The following ABHD6 variants were observed in gnomAD, a reference collection of about 807,000 sequenced individuals.
The protein encoded by ABHD6 is abhydrolase domain containing 6, acylglycerol lipase, also known as monoacylglycerol lipase ABHD6.
In ABHD6, 33 loss-of-function variants were observed where a neutral mutation model predicts 38.8. The ratio of observed to expected loss-of-function variants is 0.85; its 90% CI spans 0.64 to 1.14. The LOEUF (loss-of-function observed/expected upper bound fraction) is 1.14. ABHD6 is among the 50% of genes most tolerant of loss of function. The pLI, the probability that ABHD6 is intolerant of heterozygous loss-of-function variation, is 0.00. For synonymous variants in ABHD6, 147 were observed against 161.6 expected (o/e 0.91, Z 0.69); for missense variants, 380 against 422.6 (o/e 0.90, Z 0.88).
chr3:58,262,235 G>C (rs960730992), intron 3 of ABHD6, among the ~76,000 whole-genome samples: 14 of 152,310 alleles, frequency 9.2e-5, no homozygotes, highest in Non-Finnish European at 1.5e-4. Flanking sequence ...ATGACAAAAA[G>C]TTCTAGAAAT....
Position 58,273,510 on chromosome 3 carries a change from T to A in ABHD6, c.524-1148T>A, listed in dbSNP as rs2107458785. On this transcript the variant is annotated intron_variant, in intron 6 of 9. Transcript: ENST00000478253. The surrounding 1 kb of genome is among the most constrained non-coding windows in gnomAD (Gnocchi z 4.8). ...CCAATGATAAACTGGATAAAGAAAA[T>A]GTGGCACATATACACCATGGAATAC... is the stretch of plus-strand genomic sequence containing the variant. 6.6e-6 allele frequency among the ~76,000 whole-genome samples: 1 copy of A among 152,030 alleles called. No homozygotes were observed. Among genetic ancestry groups the A allele is most frequent in the South Asian group, 2.1e-4 (1 of 4,802 alleles).
chr3:58,256,814 A>G lies in ABHD6; in HGVS notation c.119+109A>G, dbSNP rs2097433709. 1.1e-6 allele frequency: 1 copy of G among 950,850 alleles called. No individual in the cohort carries two copies. Among genetic ancestry groups the G allele is most frequent in the Non-Finnish European group, 1.6e-6 (1 of 621,596 alleles). 58.9% of individuals were successfully genotyped at this position (950,850 alleles called of 1,614,324 possible). ...AACATTTTATCAGGAAGTATTTCAG[A>G]CAGAGAGAAAAGTTGAAAGGTACTC... On this transcript the variant is annotated intron_variant, in intron 3 of 9. Coordinates refer to ENST00000478253, the MANE Select transcript of ABHD6 (RefSeq NM_001320126.2). This position sits in a 1 kb window ranked among gnomAD's most constrained non-coding sequence, Gnocchi z 4.3.
In ABHD6 at chr3:58,287,418, AGT is replaced by A. The variant is rs2097458290; in HGVS notation, c.837+1967_837+1968del. On this transcript the variant is annotated intron_variant, in intron 9 of 9. Transcript: ENST00000478253. The surrounding 1 kb of genome is among the most constrained non-coding windows in gnomAD (Gnocchi z 4.7). ...TGCATGAATGACCCAGGCAGGAGAG[AGT>A]GGGGAGGAGCAGCCAGGCTGTGCCC... 6.6e-6 allele frequency among the ~76,000 whole-genome samples: 1 copy of A among 152,056 alleles called. No homozygotes were observed. Among genetic ancestry groups the A allele is most frequent in the Non-Finnish European group, 1.5e-5 (1 of 68,002 alleles).
At chr3:58,248,778 A>G (rs1052934700) in intron 1 of ABHD6, among the ~76,000 whole-genome samples, 1 of 152,238 alleles carries the variant, frequency 6.6e-6, no homozygotes, top group Admixed American at 6.5e-5. Context: ...CCAAATTGCA[A>G]TCTGTAGAGT....
rs1179353981 is a variant in ABHD6, at chr3:58,266,464, CA to C, written c.120-714del. Among the ~76,000 whole-genome samples the C allele has an allele frequency of 6.1e-4, 87 of 142,762 alleles. No homozygotes were observed. The highest frequency in any genetic ancestry group is 4.9e-3 in the South Asian group (22 of 4,504). The allele number at this position is 142,762 out of a possible 152,430, so 93.7% of individuals were successfully genotyped here. A position where few individuals can be genotyped will look rare whatever the true frequency, so the allele number is the denominator to read the frequency against. ...AAAAAAAACCTGACCAAACAAACAA[CA>C]AAAAAAAAAACCTTATGTATGCTCT... On this transcript the variant is annotated intron_variant, in intron 3 of 9. Transcript: ENST00000478253. The surrounding 1 kb of genome is among the most constrained non-coding windows in gnomAD (Gnocchi z 4.0).
chr3:58,288,104 T>C (rs1157055297), intron 9 of ABHD6, among the ~76,000 whole-genome samples: 1 of 152,180 alleles, frequency 6.6e-6, no homozygotes, highest in African/African-American at 2.4e-5. Flanking sequence ...AGATCCTTCA[T>C]GTGTTTTGTG....
At position 58,274,750 on chromosome 3, in the gene ABHD6, A is replaced by C. The variant is rs199696239; in HGVS notation, c.616A>C (p.Thr206Pro). 2 of 1,614,068 alleles carry C rather than the reference A, an allele frequency of 1.2e-6. No individual in the cohort carries two copies. Among genetic ancestry groups the C allele is most frequent in the Non-Finnish European group, 1.7e-6 (2 of 1,180,042 alleles). ...GGAGAAGATTCCCTTGATCCCGTCTACCCCAGAAGAGATGAGTGAAATGCT... is the reference window on the plus strand; with the variant it reads ...GGAGAAGATTCCCTTGATCCCGTCTCCCCCAGAAGAGATGAGTGAAATGCT... Reference protein sequence around the residue: ...AVEKIPLIPSTPEEMSEMLQL... With the variant: ...AVEKIPLIPSPPEEMSEMLQL... The change falls in exon 7 of 10, where the codon ACC becomes CCC. Residue 206 changes from threonine to proline, a missense_variant. Thr to Pro is a conservative substitution (Grantham distance 38). Transcript: ENST00000478253.
rs2097429897 is a variant in ABHD6, at chr3:58,251,480, AT to A, written c.-26+1539del. On this transcript the variant is annotated intron_variant, in intron 2 of 9. Coordinates refer to ENST00000478253, the MANE Select transcript of ABHD6 (RefSeq NM_001320126.2). The surrounding 1 kb of genome is among the most constrained non-coding windows in gnomAD (Gnocchi z 5.4). ...GGAACTCAAGATCCCAGTTTTCAAA[AT>A]CAGTGACAACATTAAAGAAAATTGT... Among the ~76,000 whole-genome samples the A allele has an allele frequency of 6.6e-6, 1 of 152,210 alleles. No homozygotes were observed. The highest frequency in any genetic ancestry group is 1.5e-5 in the Non-Finnish European group (1 of 68,042).
Position 58,272,246 on chromosome 3 carries a change from C to T in ABHD6, c.523+1182C>T, listed in dbSNP as rs764933339. Among the ~76,000 whole-genome samples, 56 of 152,094 alleles carry T rather than the reference C, an allele frequency of 3.7e-4. 1 individual carries two copies. Among genetic ancestry groups the T allele is most frequent in the Non-Finnish European group, 5.9e-4 (40 of 68,038 alleles). Reference sequence around the variant, plus strand: ...ATTATGCCCATTTTATAAATGGGAACGTTGAGGCACAGAGAAATTACATTA... The same window carrying T: ...ATTATGCCCATTTTATAAATGGGAATGTTGAGGCACAGAGAAATTACATTA... On this transcript the variant is annotated intron_variant, in intron 6 of 9. Coordinates refer to ENST00000478253, the MANE Select transcript of ABHD6 (RefSeq NM_001320126.2).
chr3:58,248,527 C>T (rs149594349), intron 1 of ABHD6, among the ~76,000 whole-genome samples: 3 of 152,180 alleles, frequency 2.0e-5, no homozygotes, highest in East Asian at 3.9e-4. Context: ...GGAGAAACCC[C>T]GTCTCTACTA....
chr3:58,291,525 CTGA>C (rs1425638570), intron 9 of ABHD6, among the ~76,000 whole-genome samples: 1 of 152,102 alleles, frequency 6.6e-6, no homozygotes, highest in Non-Finnish European at 1.5e-5. Context: ...TCCCAGAGTG[CTGA>C]TATTATAGGT....
Position 58,285,510 on chromosome 3 carries a change from A to T in ABHD6, c.837+57A>T. 1.4e-6 allele frequency: 2 copies of T among 1,454,374 alleles called. No homozygotes were observed. Among genetic ancestry groups the T allele is most frequent in the Non-Finnish European group, 1.9e-6 (2 of 1,035,296 alleles). 90.1% of individuals were successfully genotyped at this position (1,454,374 alleles called of 1,614,324 possible). ...TGGTCACCAGGGCCTCTGAGGAAAA[A>T]CGTCCTTGAGGAAGAACAAGTGGTT... On this transcript the variant is annotated intron_variant, in intron 9 of 9. Transcript: ENST00000478253. The surrounding 1 kb of genome is among the most constrained non-coding windows in gnomAD (Gnocchi z 4.9).
intron 2 of ABHD6, among the ~76,000 whole-genome samples, chr3:58,254,792 A>ATATATT (rs899585212): frequency 6.7e-6 from 1 of 149,606 alleles, no homozygotes; most frequent in African/African-American, 2.4e-5. Context: ...TATATTTATT[A>ATATATT]TATATTTATA....
chr3:58,245,147 A>G (rs2097425423), intron 1 of ABHD6, among the ~76,000 whole-genome samples: 1 of 152,186 alleles, frequency 6.6e-6, no homozygotes, highest in Non-Finnish European at 1.5e-5. Context: ...AAAGTACTGT[A>G]GACCAACTTC....
rs368886586 is a variant in ABHD6, at chr3:58,276,463, G to GT, written c.681+1657dup. ...CCTTTGCCCACTTTTTGATGGGGTT[G>GT]TTTTTTTTTCTGATAAATTTGTTTG... On this transcript the variant is annotated intron_variant, in intron 7 of 9. Transcript: ENST00000478253. 3.0e-4 allele frequency among the ~76,000 whole-genome samples: 45 copies of GT among 150,898 alleles called. No individual in the cohort carries two copies. In the South Asian group the frequency reaches 3.6e-3, roughly 12 times the overall value.
chr3:58,240,731 ATT>A (rs34994874), intron 1 of ABHD6, among the ~76,000 whole-genome samples: 2 of 134,366 alleles, frequency 1.5e-5, no homozygotes, highest in Non-Finnish European at 1.5e-5. Context: ...AACCTGGGTA[ATT>A]TTTTTTTTTT....
chr3:58,293,580 G>T lies in ABHD6; in HGVS notation c.838-9G>T. On this transcript the variant is annotated splice_polypyrimidine_tract_variant and intron_variant, in intron 9 of 9. Coordinates refer to ENST00000478253, the MANE Select transcript of ABHD6 (RefSeq NM_001320126.2). The surrounding 1 kb of genome is among the most constrained non-coding windows in gnomAD (Gnocchi z 4.4). ...TGTGTATCATCCAGCTCCCTTTCTT[G>T]CCCAGCAGGTGCTGGATGTGTCTGG... The T allele has an allele frequency of 6.2e-7, 1 of 1,613,510 alleles. No individual in the cohort carries two copies. Among genetic ancestry groups the T allele is most frequent in the Non-Finnish European group, 8.5e-7 (1 of 1,179,640 alleles).
rs976660784 is a variant in ABHD6, at chr3:58,285,410, A to G, written c.794A>G (p.Lys265Arg). 2.0e-5 allele frequency: 32 copies of G among 1,614,046 alleles called. No homozygotes were observed. The highest frequency in any genetic ancestry group is 2.7e-5 in the African/African-American group (2 of 74,940). Residue 265 changes from lysine (K) to arginine (R), a missense_variant, in exon 9 of 10, where the codon AAG becomes AGG. Coordinates refer to ENST00000478253, the MANE Select transcript of ABHD6 (RefSeq NM_001320126.2). The surrounding 1 kb of genome is among the most constrained non-coding windows in gnomAD (Gnocchi z 4.9). Reference sequence around the variant, plus strand: ...TACTCTCTCCATCAGAACATGGACAAGATCAAGGTTCCGACGCAGATCATC... The same window carrying G: ...TACTCTCTCCATCAGAACATGGACAGGATCAAGGTTCCGACGCAGATCATC... ...SRYSLHQNMDKIKVPTQIIWG... is the reference protein window; with the variant it reads ...SRYSLHQNMDRIKVPTQIIWG...
rs2097466129 is a variant in ABHD6 at position 58,294,614 on chromosome 3, T to C, written c.*849T>C. ...CTACTAAGAACCCTTGGATGTAACATACTAGTTAGTTAATGAATTCTGTGA... is the reference window on the plus strand; with the variant it reads ...CTACTAAGAACCCTTGGATGTAACACACTAGTTAGTTAATGAATTCTGTGA... On this transcript the variant is annotated 3_prime_UTR_variant, in exon 10 of 10. Transcript: ENST00000478253. 6.6e-6 allele frequency: 1 copy of C among 152,662 alleles called. No homozygotes were observed. The highest frequency in any genetic ancestry group is 1.9e-4 in the East Asian group (1 of 5,202). 9.5% of individuals were successfully genotyped at this position (152,662 alleles called of 1,614,324 possible).
Sources: gnomAD v4.1 joint callset for allele counts (sites outside exome capture counted in the v4.1 genomes callset) on GRCh38, gnomAD v4.1.1 for gene constraint, Gnocchi (gnomAD v3.1) non-coding constraint, MANE v1.5 for transcripts, NCBI Gene and HGNC (gene_info 2026-07-23, HGNC 2026-07-21) for gene names.